FDFT1: variants seen among roughly 807,000 people sequenced by gnomAD.
The protein encoded by FDFT1 is squalene synthase.
A neutral mutation model predicts 46.8 loss-of-function variants in FDFT1; 68 were observed. The ratio of observed to expected loss-of-function variants is 1.45; its 90% CI spans 1.19 to 1.78. The LOEUF is 1.78. FDFT1 is among the 40% of genes most tolerant of loss of function. FDFT1 has a pLI of 0.00. For synonymous variants in FDFT1, 351 were observed against 185.1 expected, an observed-to-expected ratio of 1.90 and a Z score of -7.28; for missense variants, 928 against 524.4, an observed-to-expected ratio of 1.77 and a Z score of -7.52.
chr8:11,835,994 A>AAAAAAAAAAAC (rs1811487696), intron 7 of FDFT1, among the ~76,000 whole-genome samples: 1 of 141,770 alleles, frequency 7.1e-6, no homozygotes, highest in Non-Finnish European at 1.6e-5. Context: ...AAAAAAAAAA[A>AAAAAAAAAAAC]ATACAAAAGT....
chr8:11,819,659 T>C lies in FDFT1; in HGVS notation c.382-2091T>C, dbSNP rs561884633. ...ATCGGCTATTGAAGCTTGTTTATGCTTTGTGAAATTCTTGTACTTTGGTTT... is the reference window on the plus strand; with the variant it reads ...ATCGGCTATTGAAGCTTGTTTATGCCTTGTGAAATTCTTGTACTTTGGTTT... On this transcript the variant is annotated intron_variant, in intron 3 of 7. Coordinates refer to ENST00000220584, the MANE Select transcript of FDFT1 (RefSeq NM_004462.5). Among the ~76,000 whole-genome samples the C allele has an allele frequency of 2.6e-5, 4 of 152,226 alleles. No homozygotes were observed. In the South Asian group the frequency reaches 8.3e-4, roughly 32 times the overall value.
intron 1 of FDFT1, among the ~76,000 whole-genome samples, chr8:11,805,326 A>T (rs921094349): frequency 3.3e-5 from 5 of 152,170 alleles, no homozygotes; most frequent in African/African-American, 9.7e-5. Context: ...AGTAAACTTG[A>T]TTTACACTGA....
chr8:11,807,703 G>A (rs1807042915), intron 1 of FDFT1, among the ~76,000 whole-genome samples: 1 of 152,240 alleles, frequency 6.6e-6, no homozygotes, highest in Non-Finnish European at 1.5e-5. Context: ...TTGCTTTAGG[G>A]AAGAGTAAAG....
chr8:11,806,953 C>G (rs576914401), intron 1 of FDFT1, among the ~76,000 whole-genome samples: 28 of 152,016 alleles, frequency 1.8e-4, no homozygotes, highest in Non-Finnish European at 3.7e-4. Flanking sequence ...AATAAAATGA[C>G]TTTTTCAGGA....
chr8:11,813,366 G>C (rs1808000025), intron 3 of FDFT1, among the ~76,000 whole-genome samples: 1 of 152,092 alleles, frequency 6.6e-6, no homozygotes, highest in South Asian at 2.1e-4. Flanking sequence ...TTTACTATGA[G>C]TTACTTACTA....
chr8:11,821,129 C>G (rs1184045975), intron 3 of FDFT1, among the ~76,000 whole-genome samples: 2 of 152,214 alleles, frequency 1.3e-5, no homozygotes, highest in African/African-American at 2.4e-5. Context: ...AATGAGGTTT[C>G]TCTAAACAAG....
chr8:11,808,217 C>T (rs947335151), intron 1 of FDFT1: 62 of 1,149,634 alleles, frequency 5.4e-5, no homozygotes, highest in Non-Finnish European at 6.3e-5. Flanking sequence ...AGGATTTCAG[C>T]GGAGCCCGAG....
At position 11,824,796 on chromosome 8, in the gene FDFT1, C is replaced by T. The variant is rs551158448; in HGVS notation, c.511-1228C>T. The stretch of plus-strand genomic sequence containing the variant: ...TGTCGCCCAGGCTGGAGTGCAGTGG[C>T]GCGATCTCGGCTCCCTGCAAGCTCC... On this transcript the variant is annotated intron_variant, in intron 4 of 7. Transcript: ENST00000220584. 1.3e-3 allele frequency among the ~76,000 whole-genome samples: 203 copies of T among 152,130 alleles called. 1 individual carries two copies. Among genetic ancestry groups the T allele is most frequent in the African/African-American group, 4.6e-3 (190 of 41,492 alleles).
chr8:11,827,650 G>T (rs1308123850), intron 5 of FDFT1, among the ~76,000 whole-genome samples: 1 of 152,162 alleles, frequency 6.6e-6, no homozygotes, highest in Non-Finnish European at 1.5e-5. Flanking sequence ...AAATGGGCAA[G>T]GAGATAAGAA....
At chr8:11,811,714 G>T (rs1192970978) in intron 3 of FDFT1, among the ~76,000 whole-genome samples, 1 of 152,228 alleles carries the variant, frequency 6.6e-6, no homozygotes, top group Non-Finnish European at 1.5e-5. Flanking sequence ...AAGCACAGTT[G>T]CCCCGGGAAG....
chr8:11,799,685 C>G (rs1390466872), upstream of FDFT1, among the ~76,000 whole-genome samples: 2 of 152,128 alleles, frequency 1.3e-5, no homozygotes, highest in African/African-American at 4.8e-5. Context: ...CCGTGGCTCA[C>G]GCCTGTAATC....
At chr8:11,795,971 C>G (rs889306106) in exon 1 of FDFT1, 1 of 152,242 alleles carries the variant, frequency 6.6e-6, no homozygotes, top group Non-Finnish European at 1.5e-5. Flanking sequence ...AGACCAAGAA[C>G]CAACCAATTC....
chr8:11,810,982 C>T (rs143598207), intron 3 of FDFT1, among the ~76,000 whole-genome samples: 78 of 147,464 alleles, frequency 5.3e-4, no homozygotes, highest in African/African-American at 1.8e-3. Flanking sequence ...AAGACTCTTG[C>T]GGTGCAAAGG....
chr8:11,818,133 A>G (rs1316318706), intron 3 of FDFT1, among the ~76,000 whole-genome samples: 1 of 152,228 alleles, frequency 6.6e-6, no homozygotes, highest in African/African-American at 2.4e-5. Context: ...GTAGTCATTC[A>G]GGAGCAGGTT....
chr8:11,804,392 C>T (rs1202236182), intron 1 of FDFT1, among the ~76,000 whole-genome samples: 1 of 152,068 alleles, frequency 6.6e-6, no homozygotes, highest in Non-Finnish European at 1.5e-5. Context: ...TCACAGTATA[C>T]TGTTTTTGTA....
At chr8:11,818,521 C>G (rs746534460) in intron 3 of FDFT1, among the ~76,000 whole-genome samples, 13 of 152,178 alleles carry the variant, frequency 8.5e-5, no homozygotes, top group Non-Finnish European at 1.9e-4. Context: ...TCTCTAAGGA[C>G]TTGCTTTATG....
At position 11,838,725 on chromosome 8, in the gene FDFT1, C is replaced by T; in HGVS notation, c.*116C>T. The T allele has an allele frequency of 1.2e-6, 1 of 827,294 alleles. No individual in the cohort carries two copies. The highest frequency in any genetic ancestry group is 3.1e-4 in the Middle Eastern group (1 of 3,262). 51.2% of individuals were successfully genotyped at this position (827,294 alleles called of 1,614,324 possible). A position where few individuals can be genotyped will look rare whatever the true frequency, so the allele number is the denominator to read the frequency against. ...TACTACTTTAATCCCTAAAAGAACG[C>T]TGTGTGGCTGGGACCTTTAGGAAAG... On this transcript the variant is annotated 3_prime_UTR_variant, in exon 8 of 8. Coordinates refer to ENST00000220584, the MANE Select transcript of FDFT1 (RefSeq NM_004462.5).
intron 3 of FDFT1, among the ~76,000 whole-genome samples, chr8:11,820,229 G>A (rs1453778636): frequency 6.6e-6 from 1 of 152,066 alleles, no homozygotes; most frequent in Non-Finnish European, 1.5e-5. Context: ...CGTCCAAGAA[G>A]GACACCCACC....
At chr8:11,813,423 C>T (rs6991234) in intron 3 of FDFT1, among the ~76,000 whole-genome samples, 39,264 of 152,086 alleles carry the variant, frequency 0.26, 5,622 homozygotes, top group African/African-American at 0.37. Context: ...TGATCTATAA[C>T]ATCGTTTAAC....
Sources: gnomAD v4.1 joint callset for allele counts (sites outside exome capture counted in the v4.1 genomes callset) on GRCh38, gnomAD v4.1.1 for gene constraint, MANE v1.5 for transcripts, NCBI Gene and HGNC (gene_info 2026-07-23, HGNC 2026-07-21) for gene names.